The following OR2L13 variants were observed in gnomAD, a reference collection of about 807,000 sequenced individuals.
The protein encoded by OR2L13 is olfactory receptor family 2 subfamily L member 13.
A neutral mutation model predicts 15.3 loss-of-function variants in OR2L13; 14 were observed. That is an observed-to-expected ratio of 0.91 (90% CI 0.60 to 1.43). The LOEUF (loss-of-function observed/expected upper bound fraction) is 1.43. Ranked by LOEUF, OR2L13 falls within the 40% of genes most tolerant of loss-of-function variation. The pLI, the probability that OR2L13 is intolerant of heterozygous loss-of-function variation, is 0.00. For missense variants in OR2L13, 367 were observed against 387.9 expected (o/e 0.95, Z 0.45); for synonymous variants, 152 against 142.9 (o/e 1.06, Z -0.45).
chr1:248,084,029 G>A, the OR2L13 span: 1 of 1,611,534 alleles, frequency 6.2e-7, no homozygotes, highest in Non-Finnish European at 8.5e-7. Context: ...AGACTGAAGT[G>A]TCAGCACAAG....
chr1:248,003,428 A>T, the OR2L13 span: 1 of 1,610,180 alleles, frequency 6.2e-7, no homozygotes, highest in Non-Finnish European at 8.5e-7. Context: ...TGGGATTCAG[A>T]GTTTCTTCTT....
the OR2L13 span, among the ~76,000 whole-genome samples, chr1:248,044,101 C>A: frequency 3.3e-5 from 5 of 152,138 alleles, no homozygotes; most frequent in African/African-American, 1.2e-4. Flanking sequence ...ACCAAACTTT[C>A]TGGGAATGCA....
chr1:247,992,871 G>A, the OR2L13 span, among the ~76,000 whole-genome samples: 3 of 103,446 alleles, frequency 2.9e-5, no homozygotes, highest in Non-Finnish European at 5.7e-5. Context: ...GAATGATTTT[G>A]TGTGTGTGTG....
the OR2L13 span, among the ~76,000 whole-genome samples, chr1:248,051,003 A>G: frequency 6.6e-6 from 1 of 152,206 alleles, no homozygotes; most frequent in Non-Finnish European, 1.5e-5. Context: ...TATTAGTGCA[A>G]ATATACTTAA....
At chr1:248,073,721 T>C in the OR2L13 span, among the ~76,000 whole-genome samples, 5 of 151,838 alleles carry the variant, frequency 3.3e-5, no homozygotes, top group East Asian at 7.7e-4. Context: ...ATCAGGTAGA[T>C]GATCTTTCAT....
At chr1:247,979,282 G>A in the OR2L13 span, among the ~76,000 whole-genome samples, 1 of 152,002 alleles carries the variant, frequency 6.6e-6, no homozygotes, top group Non-Finnish European at 1.5e-5. Flanking sequence ...ATTTACATTA[G>A]GTATTTCTCC....
At chr1:247,986,592 A>T in the OR2L13 span, among the ~76,000 whole-genome samples, 1 of 151,956 alleles carries the variant, frequency 6.6e-6, no homozygotes, top group African/African-American at 2.4e-5. Context: ...CTTGGCAATG[A>T]GGACTCTTTT....
chr1:248,019,860 C>T, the OR2L13 span, among the ~76,000 whole-genome samples: 7 of 152,202 alleles, frequency 4.6e-5, no homozygotes, highest in African/African-American at 1.7e-4. Context: ...AATCTTGGCT[C>T]ACTGCAACCT....
At chr1:248,009,950 C>G in the OR2L13 span, among the ~76,000 whole-genome samples, 6 of 152,126 alleles carry the variant, frequency 3.9e-5, no homozygotes, top group East Asian at 1.2e-3. Flanking sequence ...AAAAGACCTT[C>G]AATAAAATTC....
At chr1:248,095,607 C>CTTGTTTTTTT (rs1664715417), upstream of OR2L13, among the ~76,000 whole-genome samples, 1 of 37,294 alleles carries the variant, frequency 2.7e-5, no homozygotes, top group East Asian at 9.4e-4. Flanking sequence ...AAAGCTGCTG[C>CTTGTTTTTTT]TTTTTTTTTT....
the OR2L13 span, among the ~76,000 whole-genome samples, chr1:248,057,475 T>C: frequency 1.8e-4 from 27 of 152,320 alleles, no homozygotes; most frequent in African/African-American, 6.3e-4. Flanking sequence ...TTTTCCTTTT[T>C]TCCTTTTGCT....
chr1:247,960,567 T>A, the OR2L13 span, among the ~76,000 whole-genome samples: 3 of 152,214 alleles, frequency 2.0e-5, no homozygotes, highest in Non-Finnish European at 2.9e-5. Flanking sequence ...GCAGGCCTCC[T>A]TGAGCTGCGG....
chr1:247,981,327 C>G, the OR2L13 span, among the ~76,000 whole-genome samples: 1 of 151,918 alleles, frequency 6.6e-6, no homozygotes, highest in African/African-American at 2.4e-5. Flanking sequence ...AAGGTAAAGG[C>G]AAAATGAGAA....
chr1:248,067,577 G>A, the OR2L13 span, among the ~76,000 whole-genome samples: 1 of 152,216 alleles, frequency 6.6e-6, no homozygotes, highest in Non-Finnish European at 1.5e-5. Context: ...TGCAGAAGAC[G>A]GGTGATTTCT....
chr1:247,974,318 G>A, the OR2L13 span, among the ~76,000 whole-genome samples: 1 of 152,104 alleles, frequency 6.6e-6, no homozygotes, highest in East Asian at 1.9e-4. Flanking sequence ...CCTAATGCAT[G>A]CGGGGCTTAA....
At chr1:247,993,805 GAGAGAGAA>G in the OR2L13 span, among the ~76,000 whole-genome samples, 160 of 135,192 alleles carry the variant, frequency 1.2e-3, 1 homozygote, top group African/African-American at 3.8e-3. Flanking sequence ...GAGAGAGAGA[GAGAGAGAA>G]AGAAAGAGAA....
chr1:247,942,616 A>G, the OR2L13 span, among the ~76,000 whole-genome samples: 3 of 152,166 alleles, frequency 2.0e-5, no homozygotes. Context: ...AGTAACTGAA[A>G]ATAAATTGCT....
At chr1:248,083,263 T>G in the OR2L13 span, among the ~76,000 whole-genome samples, 1 of 152,194 alleles carries the variant, frequency 6.6e-6, no homozygotes, top group Non-Finnish European at 1.5e-5. Flanking sequence ...AGAAATAAAC[T>G]TTTCCAGGTT....
At chr1:248,072,886 C>T in the OR2L13 span, among the ~76,000 whole-genome samples, 3 of 152,206 alleles carry the variant, frequency 2.0e-5, no homozygotes, top group East Asian at 3.8e-4. Context: ...TGCTCACCAT[C>T]ACTGGCCATC....
Sources: allele counts gnomAD v4.1 joint callset (sites outside exome capture counted in the v4.1 genomes callset), GRCh38; gene constraint gnomAD v4.1.1; transcripts MANE v1.5; gene names NCBI Gene and HGNC (gene_info 2026-07-23, HGNC 2026-07-21).